GSG1: variants seen among roughly 807,000 people sequenced by gnomAD.
GSG1 encodes the protein germ cell-specific gene 1 protein.
In GSG1, 28 loss-of-function variants were observed where a neutral mutation model predicts 30.8. The ratio of observed to expected loss-of-function variants is 0.91; its 90% CI spans 0.67 to 1.25. The LOEUF is 1.25. Among genes scored for constraint, GSG1 ranks in the 50% most tolerant of loss-of-function variants. The pLI is 0.00. For missense variants in GSG1, 435 were observed against 444.7 expected (o/e 0.98, Z 0.20); for synonymous variants, 162 against 178.0 (o/e 0.91, Z 0.71).
intron 1 of GSG1, among the ~76,000 whole-genome samples, chr12:13,097,871 TC>T (rs949547655): frequency 6.6e-6 from 1 of 152,164 alleles, no homozygotes; most frequent in Non-Finnish European, 1.5e-5. Context: ...TTTTTCCCAT[TC>T]TATATTTGTG....
chr12:13,088,933 C>T, intron 3 of GSG1, 24 bp from the exon 4 acceptor site: 1 of 1,613,372 alleles, frequency 6.2e-7, no homozygotes, highest in South Asian at 1.1e-5. Flanking sequence ...GGTACAACGT[C>T]ATGGAGCTAC....
At position 13,084,979 on chromosome 12, in the gene GSG1, C is replaced by T; in HGVS notation, c.1011G>A (p.Arg337=). 6 of 1,552,280 alleles carry T rather than the reference C, an allele frequency of 3.9e-6. No homozygotes were observed. The highest frequency in any genetic ancestry group is 5.2e-6 in the Non-Finnish European group (6 of 1,147,224). ...TGGCCCCTCTTTGAAATCCCTTGTT[C>T]CGCAGCTCGGAGTAGAAGTCGACTC... ...SEGVDFYSEL[R]NKGFQRGASQ... Residue 337 remains arginine (R), a synonymous_variant, in exon 7 of 7, where the codon CGG becomes CGA. Transcript: ENST00000651961.
At chr12:13,089,375 C>T (rs745863860) in intron 2 of GSG1, 99 bp from the exon 3 acceptor site, 2 of 1,532,264 alleles carry the variant, frequency 1.3e-6, no homozygotes, top group South Asian at 1.2e-5. Flanking sequence ...TAGCAGATAT[C>T]AAATTGTTCA....
chr12:13,089,556 G>C (rs1297346418), intron 2 of GSG1, among the ~76,000 whole-genome samples: 1 of 152,228 alleles, frequency 6.6e-6, no homozygotes, highest in Non-Finnish European at 1.5e-5. Flanking sequence ...TGAGGGGCAG[G>C]AGACCTGGCA....
intron 1 of GSG1, among the ~76,000 whole-genome samples, chr12:13,099,765 T>TTTG (rs1565551474): frequency 4.5e-4 from 67 of 149,556 alleles, no homozygotes; most frequent in African/African-American, 1.5e-3. Flanking sequence ...TTTTTTTTTT[T>TTTG]TTTGTTTTTT....
intron 1 of GSG1, among the ~76,000 whole-genome samples, chr12:13,100,901 C>G (rs555445822): frequency 2.6e-4 from 39 of 152,310 alleles, no homozygotes; most frequent in African/African-American, 9.4e-4. Flanking sequence ...AACGTAGGTC[C>G]CGAGTTTTGG....
Position 13,085,105 on chromosome 12 carries a change from A to G in GSG1, c.885T>C (p.His295=), listed in dbSNP as rs774559031. 36 of 1,613,976 alleles carry G rather than the reference A, an allele frequency of 2.2e-5. No individual in the cohort carries two copies. The Middle Eastern group carries it at 9.9e-4, about 44-fold the overall frequency. Residue 295 remains histidine, a synonymous_variant, in exon 7 of 7, where the codon CAT becomes CAC. Coordinates refer to ENST00000651961, the MANE Select transcript of GSG1 (RefSeq NM_001080555.4). ...KENPNCLPHH[H]QCFPRRLSSA... is the part of the protein sequence containing the mutation. ...TTGACAGCCGCCGAGGGAAACACTG[A>G]TGGTGATGTGGTAGGCAGTTCGGGT...
chr12:13,089,263 G>C lies in GSG1; in HGVS notation c.378C>G (p.Pro126=), dbSNP rs1187739495. The change falls in exon 3 of 7, where the codon CCC becomes CCG. Residue 126 remains proline, a synonymous_variant. Coordinates refer to ENST00000651961, the MANE Select transcript of GSG1 (RefSeq NM_001080555.4). Reference sequence around the variant, plus strand: ...GGGCTCTAAATTGTTTCCAGGACTGGGGATGGAGCAGTGCTAAGTGGCACA... The same window carrying C: ...GGGCTCTAAATTGTTTCCAGGACTGCGGATGGAGCAGTGCTAAGTGGCACA... ...ETVEEPALLH[P]QSWKQFRALR... 6.4e-7 allele frequency: 1 copy of C among 1,556,716 alleles called. No individual in the cohort carries two copies. The highest frequency in any genetic ancestry group is 8.7e-7 in the Non-Finnish European group (1 of 1,149,720).
rs1321895340 is a variant in GSG1 at position 13,103,626 on chromosome 12, AGAGG to A, written c.-118_-115del. 8.8e-7 allele frequency: 1 copy of A among 1,137,862 alleles called. No homozygotes were observed. Among genetic ancestry groups the A allele is most frequent in the Admixed American group, 1.7e-5 (1 of 57,336 alleles). The allele number at this position is 1,137,862 out of a possible 1,614,324, so 70.5% of individuals were successfully genotyped here. The stretch of plus-strand genomic sequence containing the variant: ...ATGAATCAGGTCCCCTCTTGCCAGC[AGAGG>A]GGTAAGGTGGTGTGTGGTGGATTGG... On this transcript the variant is annotated 5_prime_UTR_variant, in exon 1 of 7. Coordinates refer to ENST00000651961, the MANE Select transcript of GSG1 (RefSeq NM_001080555.4).
chr12:13,087,889 A>G lies in GSG1; in HGVS notation c.634+18T>C. On this transcript the variant is annotated intron_variant, in intron 5 of 6. Transcript: ENST00000651961. ...TGGCCAGGGCCAACCACCCTCTCTC[A>G]CTCCAGGAGCAACTCACCTGACAGG... The G allele has an allele frequency of 6.2e-7, 1 of 1,610,790 alleles. No individual in the cohort carries two copies. The highest frequency in any genetic ancestry group is 2.2e-5 in the East Asian group (1 of 44,798).
intron 5 of GSG1, 29 bp downstream of exon 5, chr12:13,087,878 C>A (rs1312145217): frequency 1.9e-6 from 3 of 1,608,564 alleles, no homozygotes; most frequent in Non-Finnish European, 1.7e-6. Flanking sequence ...CAGGGCCAAC[C>A]ACCCTCTCTC....
chr12:13,087,116 TGG>T (rs749493681), intron 6 of GSG1, 34 bp downstream of exon 6: 21 of 1,425,258 alleles, frequency 1.5e-5, no homozygotes, highest in Non-Finnish European at 1.9e-5. Context: ...GAAGGTTGGC[TGG>T]GGCTACAAAG....
chr12:13,098,488 TTTTTGG>T (rs2120935876), intron 1 of GSG1, among the ~76,000 whole-genome samples: 1 of 131,592 alleles, frequency 7.6e-6, no homozygotes, highest in Non-Finnish European at 1.6e-5. Context: ...TTTTTTTTTT[TTTTTGG>T]GCGGCCAGTT....
rs1224276559 is a variant in GSG1, at chr12:13,087,989, T to C, written c.552A>G (p.Leu184=). The change falls in exon 5 of 7, where the codon CTA becomes CTG. Residue 184 remains leucine, a synonymous_variant. Coordinates refer to ENST00000651961, the MANE Select transcript of GSG1 (RefSeq NM_001080555.4). ...TCCCAGTGAGTAGCAAGTCTGTTAG[T>C]AGCAGGAGGAAGCTGATGAATTGAA... is the stretch of plus-strand genomic sequence containing the variant. ...IGLQFISFLL[L]LTDLLLTGNP... 3 of 1,614,224 alleles carry C rather than the reference T, an allele frequency of 1.9e-6. No individual in the cohort carries two copies. The highest frequency in any genetic ancestry group is 2.5e-6 in the Non-Finnish European group (3 of 1,180,034).
chr12:13,088,879 G>A lies in GSG1; in HGVS notation c.464C>T (p.Thr155Ile), dbSNP rs776584261. ...GERCRSFIEL[T>I]PPAKREILWL... is the part of the protein sequence containing the mutation. Reference sequence around the variant, plus strand: ...TTTCTCACCTCTCTTGGCTGGTGGTGTAAGTTCAATGAAACTTCGGCACCT... The same window carrying A: ...TTTCTCACCTCTCTTGGCTGGTGGTATAAGTTCAATGAAACTTCGGCACCT... The change falls in exon 4 of 7, where the codon ACA becomes ATA. Residue 155 changes from threonine (T) to isoleucine (I), a missense_variant. Transcript: ENST00000651961. 9 of 1,614,062 alleles carry A rather than the reference G, an allele frequency of 5.6e-6. No individual in the cohort carries two copies. Among genetic ancestry groups the A allele is most frequent in the Admixed American group, 3.3e-5 (2 of 60,006 alleles).
chr12:13,083,567 A>T lies in GSG1; in HGVS notation c.*1334T>A, dbSNP rs1446833437. ...TCTTTTTTTTTTTTTTTTAAGTTCTAGGGTACATGTGCACAACGTGCAGAT... is the reference window on the plus strand; with the variant it reads ...TCTTTTTTTTTTTTTTTTAAGTTCTTGGGTACATGTGCACAACGTGCAGAT... On this transcript the variant is annotated 3_prime_UTR_variant, in exon 7 of 7. Coordinates refer to ENST00000651961, the MANE Select transcript of GSG1 (RefSeq NM_001080555.4). The T allele has an allele frequency of 1.3e-4, 18 of 137,180 alleles. No homozygotes were observed. Among genetic ancestry groups the T allele is most frequent in the African/African-American group, 4.6e-4 (17 of 36,730 alleles). The allele number at this position is 137,180 out of a possible 1,614,324, so 8.5% of individuals were successfully genotyped here.
chr12:13,095,582 G>C, intron 1 of GSG1: 1 of 1,613,660 alleles, frequency 6.2e-7, no homozygotes, highest in Non-Finnish European at 8.5e-7. Flanking sequence ...TGAGCAATAG[G>C]AGGGGAAGCC....
rs886186654 is a variant in GSG1 at position 13,087,955 on chromosome 12, A to G, written c.586T>C (p.Cys196Arg). The G allele has an allele frequency of 4.3e-6, 7 of 1,614,148 alleles. No individual in the cohort carries two copies. In the Admixed American group the frequency reaches 5.0e-5, roughly 12 times the overall value. ...GCAAAGGCGCTCAGTTTGAGCCCACAGGCAGGGTTCCCAGTGAGTAGCAAG... is the reference window on the plus strand; with the variant it reads ...GCAAAGGCGCTCAGTTTGAGCCCACGGGCAGGGTTCCCAGTGAGTAGCAAG... ...TDLLLTGNPACGLKLSAFAAV... is the reference protein window; with the variant it reads ...TDLLLTGNPARGLKLSAFAAV... The change falls in exon 5 of 7, where the codon TGT becomes CGT. Residue 196 changes from cysteine (C) to arginine (R), a missense_variant. Coordinates refer to ENST00000651961, the MANE Select transcript of GSG1 (RefSeq NM_001080555.4).
At position 13,088,662 on chromosome 12, in the gene GSG1, G is replaced by C. The variant is rs1313689679; in HGVS notation, c.481+200C>G. On this transcript the variant is annotated intron_variant, in intron 4 of 6. Coordinates refer to ENST00000651961, the MANE Select transcript of GSG1 (RefSeq NM_001080555.4). Reference sequence around the variant, plus strand: ...TTTGGGGCTCAGAAGAGAAAAGTGGGAGATCACAGTGCAGTTTAGATCCGG... The same window carrying C: ...TTTGGGGCTCAGAAGAGAAAAGTGGCAGATCACAGTGCAGTTTAGATCCGG... The C allele has an allele frequency of 2.3e-6, 3 of 1,324,126 alleles. No homozygotes were observed. In the African/African-American group the frequency reaches 4.4e-5, roughly 19 times the overall value. 82.0% of individuals were successfully genotyped at this position (1,324,126 alleles called of 1,614,324 possible).
Sources: allele counts gnomAD v4.1 joint callset (sites outside exome capture counted in the v4.1 genomes callset), GRCh38; gene constraint gnomAD v4.1.1; transcripts MANE v1.5; gene names NCBI Gene and HGNC (gene_info 2026-07-23, HGNC 2026-07-21).